The following BANK1 variants were observed in gnomAD, a reference collection of about 807,000 sequenced individuals.
BANK1 encodes B cell scaffold protein with ankyrin repeats 1, also known as B-cell scaffold protein with ankyrin repeats.
Under a neutral mutation model 94.5 loss-of-function variants are expected in BANK1, and 95 were observed. The ratio of observed to expected loss-of-function variants is 1.00; its 90% CI spans 0.85 to 1.19. BANK1 has a LOEUF of 1.19. Ranked by LOEUF, BANK1 falls within the 50% of genes most tolerant of loss-of-function variation. The probability of loss-of-function intolerance (pLI) is 0.00; values close to 1 mark genes in which losing one functional copy is unlikely to be tolerated. For synonymous variants in BANK1, 334 were observed against 308.4 expected (o/e 1.08, Z -0.87); for missense variants, 987 against 932.2 (o/e 1.06, Z -0.77).
chr4:101,871,014 G>C (rs746658847), intron 5 of BANK1, among the ~76,000 whole-genome samples: 2 of 152,048 alleles, frequency 1.3e-5, no homozygotes, highest in African/African-American at 4.8e-5. Flanking sequence ...CTAATCATCT[G>C]TCTCATGCTT....
intron 1 of BANK1, among the ~76,000 whole-genome samples, chr4:101,799,649 C>T (rs1409560507): frequency 4.6e-5 from 7 of 152,036 alleles, no homozygotes; most frequent in East Asian, 1.9e-4. Context: ...CCAAGGTGGG[C>T]GGATCACGAG....
chr4:101,873,330 A>T (rs921824512), intron 5 of BANK1, among the ~76,000 whole-genome samples: 12 of 152,194 alleles, frequency 7.9e-5, no homozygotes, highest in African/African-American at 2.9e-4. Context: ...TTAATGGCAG[A>T]TGTGATTTCA....
chr4:101,830,406 G>T (rs1726572155), intron 2 of BANK1, among the ~76,000 whole-genome samples, 200 bp downstream of exon 2: 1 of 152,018 alleles, frequency 6.6e-6, no homozygotes, highest in Non-Finnish European at 1.5e-5. Context: ...TCCAATCAAG[G>T]CTTATTCCTT....
intron 11 of BANK1, among the ~76,000 whole-genome samples, chr4:102,051,219 C>T (rs1228937797): frequency 3.3e-5 from 5 of 152,114 alleles, no homozygotes; most frequent in Non-Finnish European, 7.3e-5. Flanking sequence ...TTTGCCAGTA[C>T]TGGATATATT....
chr4:101,804,598 G>T (rs921433427), intron 1 of BANK1, among the ~76,000 whole-genome samples: 1 of 152,120 alleles, frequency 6.6e-6, no homozygotes, highest in African/African-American at 2.4e-5. Context: ...AGCTGCAGTT[G>T]CCCACCATTT....
At chr4:102,064,261 C>G (rs1406502089) in intron 13 of BANK1, among the ~76,000 whole-genome samples, 1 of 152,048 alleles carries the variant, frequency 6.6e-6, no homozygotes, top group Non-Finnish European at 1.5e-5. Flanking sequence ...TTCTTAAGCA[C>G]TTTAAAATGT....
intron 1 of BANK1, among the ~76,000 whole-genome samples, chr4:101,809,769 C>T (rs1173975316): frequency 6.6e-6 from 1 of 152,128 alleles, no homozygotes; most frequent in Non-Finnish European, 1.5e-5. Flanking sequence ...AAGTATACTG[C>T]ACATATATCC....
At chr4:101,927,830 G>C (rs1723214726) in intron 7 of BANK1, among the ~76,000 whole-genome samples, 1 of 151,620 alleles carries the variant, frequency 6.6e-6, no homozygotes, top group Non-Finnish European at 1.5e-5. Flanking sequence ...TGCCTACTAT[G>C]TTCCAAAGTT....
chr4:101,839,231 T>C (rs151231679), intron 2 of BANK1, among the ~76,000 whole-genome samples: 13 of 152,244 alleles, frequency 8.5e-5, no homozygotes, highest in African/African-American at 3.1e-4. Context: ...GAGCTGAAAT[T>C]TTTAGTATCC....
rs529593590 is a variant in BANK1 at position 101,895,362 on chromosome 4, T to C, written c.961T>C (p.Tyr321His). The C allele has an allele frequency of 1.1e-4, 172 of 1,596,074 alleles. 3 individuals carry two copies. The South Asian group carries it at 1.7e-3, about 15-fold the overall frequency. The change falls in exon 6 of 17, where the codon TAT becomes CAT. Residue 321 changes from tyrosine (Y) to histidine (H), a missense_variant. Tyr to His is a moderately conservative substitution (Grantham distance 83). Transcript: ENST00000322953. Reference protein sequence around the residue: ...LTSIFKHEIPYYEFQSLQTEI... With the variant: ...LTSIFKHEIPHYEFQSLQTEI... ...ATCCATATTCAAACATGAGATACCA[T>C]ATTATGAGTTCCAGTCTCTTCAAAC...
chr4:101,836,500 AAAAC>A (rs1726834855), intron 2 of BANK1, among the ~76,000 whole-genome samples: 1 of 152,144 alleles, frequency 6.6e-6, no homozygotes, highest in Non-Finnish European at 1.5e-5. Context: ...AACAGAAACA[AAAAC>A]AAAAAAATTT....
At chr4:101,841,115 C>T (rs900507532) in intron 2 of BANK1, among the ~76,000 whole-genome samples, 6 of 152,024 alleles carry the variant, frequency 3.9e-5, no homozygotes, top group African/African-American at 1.5e-4. Context: ...CATGAGCCAC[C>T]GTGCCCAGCC....
Position 101,918,162 on chromosome 4 carries a change from A to G in BANK1, c.1179A>G (p.Glu393=). The G allele has an allele frequency of 6.3e-7, 1 of 1,578,802 alleles. No individual in the cohort carries two copies. Among genetic ancestry groups the G allele is most frequent in the Non-Finnish European group, 8.6e-7 (1 of 1,161,852 alleles). ...AHIAERHGHK[E]LKKIFEDFSI... Reference sequence around the variant, plus strand: ...TTGCTGAAAGGCATGGTCACAAAGAACTCAAGAAAATCTTCGAAGACTTTT... The same window carrying G: ...TTGCTGAAAGGCATGGTCACAAAGAGCTCAAGAAAATCTTCGAAGACTTTT... The change falls in exon 7 of 17, where the codon GAA becomes GAG. Residue 393 remains glutamate (E), a synonymous_variant. Coordinates refer to ENST00000322953, the MANE Select transcript of BANK1 (RefSeq NM_017935.5).
At chr4:101,830,244 GT>G (rs58497383) in intron 2 of BANK1, 38 bp downstream of exon 2, 187,763 of 1,263,494 alleles carry the variant, frequency 0.15, 3,168 homozygotes, top group East Asian at 0.32. Context: ...ATTTTTATTT[GT>G]TTTTTTTTTT....
chr4:101,950,062 CGCGT>C (rs374209483), intron 7 of BANK1, among the ~76,000 whole-genome samples: 5,601 of 115,936 alleles, frequency 0.048, 368 homozygotes, highest in African/African-American at 0.18. Context: ...TGTGTGTGTG[CGCGT>C]GCGCGCGCAT....
chr4:101,977,077 G>T (rs746283723), intron 7 of BANK1: 6 of 152,106 alleles, frequency 3.9e-5, no homozygotes, highest in Admixed American at 2.0e-4. Flanking sequence ...TCCAAGAGAT[G>T]CTGTTTCAGT....
intron 11 of BANK1, among the ~76,000 whole-genome samples, chr4:102,052,609 T>TACAC (rs35317274): frequency 9.2e-5 from 14 of 151,752 alleles, no homozygotes; most frequent in Admixed American, 2.6e-4. Flanking sequence ...TAATGGGAAA[T>TACAC]ACACACACAC....
intron 3 of BANK1, among the ~76,000 whole-genome samples, chr4:101,858,188 G>T (rs1199638184): frequency 1.3e-5 from 2 of 152,178 alleles, no homozygotes; most frequent in Admixed American, 1.3e-4. Context: ...CACTGCAGGT[G>T]ATTTTGACCC....
rs10580633 is a variant in BANK1 at position 101,958,422 on chromosome 4, C to CT, written c.1206+40246dup. 1.2e-3 allele frequency among the ~76,000 whole-genome samples: 159 copies of CT among 137,486 alleles called. 1 individual carries two copies. Among genetic ancestry groups the CT allele is most frequent in the Admixed American group, 1.0e-3 (14 of 13,678 alleles). 90.2% of individuals were successfully genotyped at this position (137,486 alleles called of 152,430 possible). A position where few individuals can be genotyped will look rare whatever the true frequency, so the allele number is the denominator to read the frequency against. On this transcript the variant is annotated intron_variant, in intron 7 of 16. Coordinates refer to ENST00000322953, the MANE Select transcript of BANK1 (RefSeq NM_017935.5). ...CCTTTTTACTGTCATGCTACAAACA[C>CT]TTTTTTTTTTTTTGTCTTTGCTTTG...
Sources: gnomAD v4.1 joint callset for allele counts (sites outside exome capture counted in the v4.1 genomes callset) on GRCh38, gnomAD v4.1.1 for gene constraint, MANE v1.5 for transcripts, NCBI Gene and HGNC (gene_info 2026-07-23, HGNC 2026-07-21) for gene names.